Variants in NRG3 observed in about 807,000 individuals in gnomAD.
NRG3 encodes the protein pro-neuregulin-3, membrane-bound isoform.
Under a neutral mutation model 66.9 loss-of-function variants are expected in NRG3, and 31 were observed. The observed-to-expected ratio is 0.46, with a 90% CI of 0.35 to 0.63. The LOEUF (loss-of-function observed/expected upper bound fraction) is 0.63. NRG3 is among the 20% of genes least tolerant of loss of function. The pLI is 0.00. For missense variants in NRG3, 910 were observed against 878.9 expected, an observed-to-expected ratio of 1.04 and a Z score of -0.45; for synonymous variants, 393 against 359.4, an observed-to-expected ratio of 1.09 and a Z score of -1.06.
chr10:82,073,136 A>T (rs146687702), intron 1 of NRG3, among the ~76,000 whole-genome samples: 2 of 152,180 alleles, frequency 1.3e-5, no homozygotes, highest in Admixed American at 1.3e-4. Flanking sequence ...AAGGGATGTG[A>T]TCCCTTATGT....
intron 2 of NRG3, among the ~76,000 whole-genome samples, chr10:82,597,372 G>A (rs2047347285): frequency 6.6e-6 from 1 of 152,098 alleles, no homozygotes; most frequent in South Asian, 2.1e-4. Context: ...ATTATTTCAC[G>A]GCCCTTGAAA....
chr10:81,884,013 A>T (rs1310321282), intron 1 of NRG3, among the ~76,000 whole-genome samples: 1 of 152,198 alleles, frequency 6.6e-6, no homozygotes, highest in Admixed American at 6.5e-5. Context: ...GGATTGAAAA[A>T]CAATCATATC....
At chr10:82,201,332 C>T (rs765643527) in intron 1 of NRG3, among the ~76,000 whole-genome samples, 2 of 152,020 alleles carry the variant, frequency 1.3e-5, no homozygotes, top group East Asian at 1.9e-4. Context: ...GCACTTTAGC[C>T]AACAGTTCTT....
At chr10:82,844,983 C>T (rs957204712) in intron 3 of NRG3, among the ~76,000 whole-genome samples, 3 of 151,874 alleles carry the variant, frequency 2.0e-5, no homozygotes, top group African/African-American at 7.3e-5. Context: ...GGTGAAACCC[C>T]GTTTCTACTA....
At chr10:82,660,980 T>TTTACTGTTTATCCATCTGTAATAACATA (rs1286740883) in intron 2 of NRG3, among the ~76,000 whole-genome samples, 1 of 152,186 alleles carries the variant, frequency 6.6e-6, no homozygotes, top group Non-Finnish European at 1.5e-5. Context: ...GTCAGATGGA[T>TTTACTGTTTATCCATCTGTAATAACATA]TTACTGTTAA....
At chr10:82,354,806 C>T (rs2083673309) in intron 1 of NRG3, among the ~76,000 whole-genome samples, 1 of 152,102 alleles carries the variant, frequency 6.6e-6, no homozygotes, top group African/African-American at 2.4e-5. Flanking sequence ...GCTCATGGTC[C>T]AGTCAGACAG....
intron 3 of NRG3, among the ~76,000 whole-genome samples, chr10:82,836,266 A>G (rs1284355210): frequency 6.6e-6 from 1 of 152,166 alleles, no homozygotes; most frequent in Non-Finnish European, 1.5e-5. Context: ...TTTATAAAAA[A>G]AAATTGATGA....
chr10:82,785,353 A>G (rs1591519590), intron 3 of NRG3, among the ~76,000 whole-genome samples: 1 of 151,844 alleles, frequency 6.6e-6, no homozygotes, highest in Non-Finnish European at 1.5e-5. Context: ...TTAAAGTATA[A>G]TAATAATAAA....
chr10:82,963,640 A>G (rs1004844582), intron 6 of NRG3, among the ~76,000 whole-genome samples: 2 of 152,238 alleles, frequency 1.3e-5, no homozygotes, highest in East Asian at 3.9e-4. Context: ...AGATGGCTCC[A>G]CTGCACTCCA....
At chr10:82,747,553 A>T (rs2058696469) in intron 3 of NRG3, among the ~76,000 whole-genome samples, 1 of 152,052 alleles carries the variant, frequency 6.6e-6, no homozygotes, top group African/African-American at 2.4e-5. Flanking sequence ...TATACCACTA[A>T]TATTTTATAT....
intron 2 of NRG3, among the ~76,000 whole-genome samples, chr10:82,581,333 G>T (rs891102436): frequency 7.9e-5 from 12 of 151,886 alleles, no homozygotes; most frequent in South Asian, 6.2e-4. Context: ...TTTCATACAA[G>T]TTCTTTCTCA....
Position 82,047,683 on chromosome 10 carries a change from C to A in NRG3, c.823+171520C>A, listed in dbSNP as rs534842934. The stretch of plus-strand genomic sequence containing the variant: ...AAAGACCATCGAGACTAGGAAGAAA[C>A]TGCATCAACTAATGAGCAAAACAAC... On this transcript the variant is annotated intron_variant, in intron 1 of 8. Coordinates refer to ENST00000372141, the MANE Select transcript of NRG3 (RefSeq NM_001010848.4). Among the ~76,000 whole-genome samples the A allele has an allele frequency of 2.5e-3, 377 of 151,594 alleles. 1 individual carries two copies. Among genetic ancestry groups the A allele is most frequent in the African/African-American group, 8.6e-3 (357 of 41,348 alleles).
chr10:82,274,410 C>T (rs2078743467), intron 1 of NRG3, among the ~76,000 whole-genome samples: 1 of 148,428 alleles, frequency 6.7e-6, no homozygotes, highest in Non-Finnish European at 1.5e-5. Context: ...GTTGTCAGAT[C>T]TAGAATGATT....
At chr10:82,152,135 G>T (rs1043787806) in intron 1 of NRG3, among the ~76,000 whole-genome samples, 1 of 152,110 alleles carries the variant, frequency 6.6e-6, no homozygotes, top group Non-Finnish European at 1.5e-5. Flanking sequence ...CCATTGTACC[G>T]TGAAAGCAGC....
intron 3 of NRG3, among the ~76,000 whole-genome samples, chr10:82,810,397 T>C (rs190765467): frequency 2.6e-5 from 4 of 152,326 alleles, no homozygotes; most frequent in Admixed American, 6.5e-5. Context: ...TAGGCTGAGA[T>C]GTTGCACTAG....
intron 1 of NRG3, among the ~76,000 whole-genome samples, chr10:82,158,791 C>G (rs995139561): frequency 6.6e-6 from 1 of 151,720 alleles, no homozygotes; most frequent in African/African-American, 2.4e-5. Context: ...GGGAATTGTA[C>G]GATTCTTAAC....
Position 82,865,583 on chromosome 10 carries a change from C to G in NRG3, c.1054+146C>G, listed in dbSNP as rs1052296238. ...GGAAAAAATACTCTTGTCGAGTTTT[C>G]ACTAAGTAATGGCTCAAAATGAAAT... On this transcript the variant is annotated intron_variant, in intron 4 of 8. Transcript: ENST00000372141. 42 of 722,718 alleles carry G rather than the reference C, an allele frequency of 5.8e-5. No homozygotes were observed. The African/African-American group carries it at 6.3e-4, about 11-fold the overall frequency. The allele number at this position is 722,718 out of a possible 1,614,324, so 44.8% of individuals were successfully genotyped here. A position where few individuals can be genotyped will look rare whatever the true frequency, so the allele number is the denominator to read the frequency against.
At chr10:82,799,864 C>T (rs1183217597) in intron 3 of NRG3, 2 of 152,188 alleles carry the variant, frequency 1.3e-5, no homozygotes, top group African/African-American at 2.4e-5. Context: ...AAGTATTCCT[C>T]GTATTCCCTA....
At chr10:82,465,749 C>T (rs1840609291) in intron 2 of NRG3, among the ~76,000 whole-genome samples, 1 of 152,096 alleles carries the variant, frequency 6.6e-6, no homozygotes, top group African/African-American at 2.4e-5. Flanking sequence ...CCTTGTATCT[C>T]ACGTGACCTC....
Sources: gnomAD v4.1 joint callset for allele counts (sites outside exome capture counted in the v4.1 genomes callset) on GRCh38, gnomAD v4.1.1 for gene constraint, MANE v1.5 for transcripts, NCBI Gene and HGNC (gene_info 2026-07-23, HGNC 2026-07-21) for gene names.